Variants in CXCR4 observed in about 807,000 individuals in gnomAD.
The protein encoded by CXCR4 is C-X-C motif chemokine receptor 4.
CXCR4 carries 6 observed loss-of-function variants against 22.4 expected under a neutral mutation model. The ratio of observed to expected loss-of-function variants is 0.27; its 90% CI spans 0.15 to 0.53. The LOEUF (loss-of-function observed/expected upper bound fraction) is 0.53, where lower values mean the gene tolerates loss of function less well. Among genes scored for constraint, CXCR4 ranks in the 20% least tolerant of loss-of-function variants. The probability of loss-of-function intolerance (pLI) is 0.96; values close to 1 mark genes in which losing one functional copy is unlikely to be tolerated. For missense variants in CXCR4, 300 were observed against 430.4 expected, an observed-to-expected ratio of 0.70 and a Z score of 2.68; for synonymous variants, 155 against 171.7, an observed-to-expected ratio of 0.90 and a Z score of 0.76.
At chr2:136,117,587 C>A in intron 1 of CXCR4, 1 of 164,338 alleles carries the variant, frequency 6.1e-6, no homozygotes, top group Non-Finnish European at 1.3e-5. Context: ...GCGCAATCTC[C>A]TCCTGGGAAC....
chr2:136,114,982 C>T lies in CXCR4; in HGVS notation c.946G>A (p.Ala316Thr), dbSNP rs145335491. Residue 316 changes from alanine (A) to threonine (T), a missense_variant, in exon 2 of 2, where the codon GCA becomes ACA. Ala to Thr is a moderately conservative substitution (Grantham distance 58). Coordinates refer to ENST00000241393, the MANE Select transcript of CXCR4 (RefSeq NM_003467.3). ...GAKFKTSAQH[A>T]LTSVSRGSSL... is the part of the protein sequence containing the mutation. ...GACCCTCTGCTCACAGAGGTGAGTG[C>T]GTGCTGGGCAGAGGTTTTAAATTTG... is the stretch of plus-strand genomic sequence containing the variant. The T allele has an allele frequency of 3.1e-5, 50 of 1,613,924 alleles. No homozygotes were observed. The highest frequency in any genetic ancestry group is 2.9e-4 in the African/African-American group (22 of 74,896).
At chr2:136,117,953 T>A in intron 1 of CXCR4, 93 bp downstream of exon 1, 1 of 1,115,796 alleles carries the variant, frequency 9.0e-7, no homozygotes, top group Non-Finnish European at 1.2e-6. Flanking sequence ...GTACCTCCAA[T>A]GTCCTGGCCG....
rs750087956 is a variant in CXCR4, at chr2:136,115,066, C to T, written c.862G>A (p.Glu288Lys). The change falls in exon 2 of 2, where the codon GAG becomes AAG. Residue 288 changes from glutamate to lysine, a missense_variant. Transcript: ENST00000241393. This position sits in a 1 kb window ranked among gnomAD's most constrained non-coding sequence, Gnocchi z 6.4. Reference protein sequence around the residue: ...NTVHKWISITEALAFFHCCLN... With the variant: ...NTVHKWISITKALAFFHCCLN... Reference sequence around the variant, plus strand: ...CAACAGTGGAAGAAAGCTAGGGCCTCGGTGATGGAAATCCACTTGTGCACA... The same window carrying T: ...CAACAGTGGAAGAAAGCTAGGGCCTTGGTGATGGAAATCCACTTGTGCACA... 7 of 1,614,146 alleles carry T rather than the reference C, an allele frequency of 4.3e-6. No individual in the cohort carries two copies. The highest frequency in any genetic ancestry group is 1.7e-5 in the Admixed American group (1 of 60,028).
chr2:136,117,850 A>G, intron 1 of CXCR4, 196 bp downstream of exon 1: 1 of 499,178 alleles, frequency 2.0e-6, no homozygotes, highest in Non-Finnish European at 3.6e-6. Flanking sequence ...ACTCACAGAG[A>G]AAAAGATTCC....
rs1684827795 is a variant in CXCR4 at position 136,114,480 on chromosome 2, C to T, written c.*389G>A. The T allele has an allele frequency of 8.1e-6, 2 of 248,152 alleles. No individual in the cohort carries two copies. Among genetic ancestry groups the T allele is most frequent in the Non-Finnish European group, 1.6e-5 (2 of 126,300 alleles). 15.4% of individuals were successfully genotyped at this position (248,152 alleles called of 1,614,324 possible). A position where few individuals can be genotyped will look rare whatever the true frequency, so the allele number is the denominator to read the frequency against. On this transcript the variant is annotated 3_prime_UTR_variant, in exon 2 of 2. Transcript: ENST00000241393. ...TTTGGGCTTTGGTTATAAGTGCCAT[C>T]TTCTACAGCAAAATCACGTCTTAAG...
chr2:136,116,218 C>T (rs1684884038), intron 1 of CXCR4: 1 of 1,296,400 alleles, frequency 7.7e-7, no homozygotes, highest in Non-Finnish European at 9.9e-7. Flanking sequence ...CTCCTCTGCC[C>T]CGCCCACTAG....
At position 136,116,434 on chromosome 2, in the gene CXCR4, A is replaced by G. The variant is rs2471859; in HGVS notation, c.16-522T>C. 0.3 allele frequency among the ~76,000 whole-genome samples: 45,952 copies of G among 151,910 alleles called. 8,723 individuals carry two copies. The highest frequency in any genetic ancestry group is 0.53 in the African/African-American group (21,759 of 41,370). On this transcript the variant is annotated intron_variant, in intron 1 of 1. Transcript: ENST00000241393. ...GCGTTGCAAAGACTCATTCTCCTAA[A>G]GCGCAAAAACTTAATTTTCCCACGC...
chr2:136,115,307 G>A lies in CXCR4; in HGVS notation c.621C>T (p.Gly207=), dbSNP rs2104916502. ...GGATGACAATACCAGGCAGGATAAG[G>A]CCAACCATGATGTGCTGAAACTGGA... ...VVFQFQHIMV[G]LILPGIVILS... The change falls in exon 2 of 2, where the codon GGC becomes GGT. Residue 207 remains glycine, a synonymous_variant. Coordinates refer to ENST00000241393, the MANE Select transcript of CXCR4 (RefSeq NM_003467.3). The surrounding 1 kb of genome is among the most constrained non-coding windows in gnomAD (Gnocchi z 6.4). 6.2e-7 allele frequency: 1 copy of A among 1,614,172 alleles called. No individual in the cohort carries two copies.
chr2:136,117,302 C>A (rs1684926088), intron 1 of CXCR4, among the ~76,000 whole-genome samples: 1 of 152,148 alleles, frequency 6.6e-6, no homozygotes. Flanking sequence ...AACTCTCGAA[C>A]TGCAGGACCC....
At chr2:136,116,913 C>T (rs1328664718) in intron 1 of CXCR4, among the ~76,000 whole-genome samples, 2 of 152,238 alleles carry the variant, frequency 1.3e-5, no homozygotes, top group African/African-American at 2.4e-5. Context: ...GCAAGCAGCG[C>T]TGCAGGGGCT....
chr2:136,114,917 A>G lies in CXCR4; in HGVS notation c.1011T>C (p.His337=), dbSNP rs1338871737. 6.2e-7 allele frequency: 1 copy of G among 1,612,080 alleles called. No homozygotes were observed. The highest frequency in any genetic ancestry group is 8.5e-7 in the Non-Finnish European group (1 of 1,178,942). Residue 337 remains histidine (H), a synonymous_variant, in exon 2 of 2, where the codon CAT becomes CAC. Transcript: ENST00000241393. ...KILSKGKRGG[H]SSVSTESESS... ...ACTCAGACTCAGTGGAAACAGATGA[A>G]TGTCCACCTCGCTTTCCTTTGGAGA...
At chr2:136,116,057 A>G in intron 1 of CXCR4, 145 bp from the exon 2 acceptor site, 1 of 1,549,554 alleles carries the variant, frequency 6.5e-7, no homozygotes, top group East Asian at 2.4e-5. Context: ...AGGGCACAAG[A>G]GAATTAATGT....
rs1336721760 is a variant in CXCR4, at chr2:136,115,524, T to C, written c.404A>G (p.Tyr135Cys). 1 of 1,614,114 alleles carries C rather than the reference T, an allele frequency of 6.2e-7. No homozygotes were observed. Among genetic ancestry groups the C allele is most frequent in the South Asian group, 1.1e-5 (1 of 91,080 alleles). ...GTTGGTGGCGTGGACGATGGCCAGG[T>C]AGCGGTCCAGACTGATGAAGGCCAG... is the stretch of plus-strand genomic sequence containing the variant. Reference protein sequence around the residue: ...LILAFISLDRYLAIVHATNSQ... With the variant: ...LILAFISLDRCLAIVHATNSQ... Residue 135 changes from tyrosine (Y) to cysteine (C), a missense_variant, in exon 2 of 2, where the codon TAC becomes TGC. By Grantham distance (194) the Tyr-to-Cys change is radical. Coordinates refer to ENST00000241393, the MANE Select transcript of CXCR4 (RefSeq NM_003467.3). This position sits in a 1 kb window ranked among gnomAD's most constrained non-coding sequence, Gnocchi z 6.4.
Position 136,115,877 on chromosome 2 carries a change from G to T in CXCR4, c.51C>A (p.Gly17=). The change falls in exon 2 of 2, where the codon GGC becomes GGA. Residue 17 remains glycine, a synonymous_variant. Transcript: ENST00000241393. This position sits in a 1 kb window ranked among gnomAD's most constrained non-coding sequence, Gnocchi z 6.4. ...CCTTCATGGAGTCATAGTCCCCTGA[G>T]CCCATTTCCTCGGTGTAGTTATCTG... ...YTSDNYTEEM[G]SGDYDSMKEP... The T allele has an allele frequency of 6.2e-7, 1 of 1,614,152 alleles. No homozygotes were observed. The highest frequency in any genetic ancestry group is 8.5e-7 in the Non-Finnish European group (1 of 1,180,030).
chr2:136,117,734 G>A (rs536246055), intron 1 of CXCR4: 3 of 359,462 alleles, frequency 8.3e-6, no homozygotes, highest in East Asian at 6.0e-5. Context: ...CTTGTGCACA[G>A]AATGTTCTTA....
In CXCR4 at chr2:136,115,376, A is replaced by G. The variant is rs770667555; in HGVS notation, c.552T>C (p.Tyr184=). The change falls in exon 2 of 2, where the codon TAT becomes TAC. Residue 184 remains tyrosine, a synonymous_variant. Transcript: ENST00000241393. This position sits in a 1 kb window ranked among gnomAD's most constrained non-coding sequence, Gnocchi z 6.4. ...CATTGGGGTAGAAGCGGTCACAGAT[A>G]TATCTGTCATCTGCCTCACTGACGT... The part of the protein sequence containing the change: ...FANVSEADDR[Y]ICDRFYPNDL... 1.4e-5 allele frequency: 22 copies of G among 1,614,078 alleles called. No homozygotes were observed. In the East Asian group the frequency reaches 2.4e-4, roughly 18 times the overall value.
chr2:136,116,329 C>A, intron 1 of CXCR4: 1 of 704,280 alleles, frequency 1.4e-6, no homozygotes, highest in Non-Finnish European at 1.8e-6. Context: ...CTAGGAGGGG[C>A]AGTGATTAAC....
chr2:136,117,935 G>T, intron 1 of CXCR4, 111 bp downstream of exon 1: 1 of 756,560 alleles, frequency 1.3e-6, no homozygotes, highest in Non-Finnish European at 2.0e-6. Flanking sequence ...CCCTTTTTTG[G>T]AGTACGGGTA....
Position 136,114,350 on chromosome 2 carries a change from A to G in CXCR4, c.*519T>C, listed in dbSNP as rs1684824595. The G allele has an allele frequency of 4.8e-6, 1 of 208,060 alleles. No homozygotes were observed. Among genetic ancestry groups the G allele is most frequent in the East Asian group, 7.4e-5 (1 of 13,512 alleles). The allele number at this position is 208,060 out of a possible 1,614,324, so 12.9% of individuals were successfully genotyped here. On this transcript the variant is annotated 3_prime_UTR_variant, in exon 2 of 2. Coordinates refer to ENST00000241393, the MANE Select transcript of CXCR4 (RefSeq NM_003467.3). The stretch of plus-strand genomic sequence containing the variant: ...CAGAAATCAGAACATAACACTAAGT[A>G]AGTTTAACATGTACTTTTATTAACA...
Sources: allele counts gnomAD v4.1 joint callset (sites outside exome capture counted in the v4.1 genomes callset), GRCh38; gene constraint gnomAD v4.1.1; non-coding constraint Gnocchi (gnomAD v3.1); transcripts MANE v1.5; gene names NCBI Gene and HGNC (gene_info 2026-07-23, HGNC 2026-07-21).